The following TRIM49 variants were observed in gnomAD, a reference collection of about 807,000 sequenced individuals.
The protein encoded by TRIM49 is tripartite motif containing 49.
TRIM49 carries 5 observed loss-of-function variants against 27.4 expected under a neutral mutation model. The ratio of observed to expected loss-of-function variants is 0.18; its 90% CI spans 0.10 to 0.38. The LOEUF (loss-of-function observed/expected upper bound fraction) is 0.38, where lower values mean the gene tolerates loss of function less well. Among genes scored for constraint, TRIM49 ranks in the 10% least tolerant of loss-of-function variants. The pLI is 1.00. For missense variants in TRIM49, 188 were observed against 487.5 expected, an observed-to-expected ratio of 0.39 and a Z score of 5.79; for synonymous variants, 69 against 166.0, an observed-to-expected ratio of 0.42 and a Z score of 4.49.
At position 89,804,090 on chromosome 11, in the gene TRIM49, C is replaced by T. The variant is rs143084203; in HGVS notation, c.380G>A (p.Arg127His). ...TTCCTCAGCAGCCCACTCAATGGGACGGTGTCTGTGATACCGGTGCTCCTG... is the reference window on the plus strand; with the variant it reads ...TTCCTCAGCAGCCCACTCAATGGGATGGTGTCTGTGATACCGGTGCTCCTG... ...SSQEHRYHRH[R>H]PIEWAAEEHR... Residue 127 changes from arginine (R) to histidine (H), a missense_variant, in exon 3 of 8, where the codon CGT (arginine) becomes CAT (histidine). This residue lies in a region of TRIM49 where 21 missense variants were observed against 71.4 expected (regional missense o/e 0.29). Transcript: ENST00000329758. 12,709 of 1,607,604 alleles carry T rather than the reference C, an allele frequency of 7.9e-3. 108 individuals are homozygous for T. The highest frequency in any genetic ancestry group is 8.5e-3 in the Non-Finnish European group (10,055 of 1,177,796).
chr11:89,787,582 C>G, the TRIM49 span: 1 of 832,134 alleles, frequency 1.2e-6, no homozygotes, highest in Non-Finnish European at 1.8e-6. Flanking sequence ...GCCTCCTGCC[C>G]CTGCAGCGCC....
At position 89,798,354 on chromosome 11, in the gene TRIM49, G is replaced by A. The variant is rs1368239463; in HGVS notation, c.1135C>T (p.Leu379Phe). ...EKIDGKAGLF[L>F]LGCVKNDIQC... is the part of the protein sequence containing the mutation. ...ATGTCATTCTTAACACACCCAAGAAGAAAGAGTCCCGCCTTTCCATCTATC... is the reference window on the plus strand; with the variant it reads ...ATGTCATTCTTAACACACCCAAGAAAAAAGAGTCCCGCCTTTCCATCTATC... The change falls in exon 8 of 8, where the codon CTT (leucine) becomes TTT (phenylalanine). Residue 379 changes from leucine to phenylalanine, a missense_variant. Leu to Phe is a conservative substitution (Grantham distance 22). This residue lies in a region of TRIM49 where 94 missense variants were observed against 149.6 expected (regional missense o/e 0.63). Coordinates refer to ENST00000329758, the MANE Select transcript of TRIM49 (RefSeq NM_020358.2). 5 of 1,574,138 alleles carry A rather than the reference G, an allele frequency of 3.2e-6. No individual in the cohort carries two copies. Among genetic ancestry groups the A allele is most frequent in the Non-Finnish European group, 4.3e-6 (5 of 1,163,848 alleles).
At chr11:89,768,379 A>T in the TRIM49 span, 2 of 903,108 alleles carry the variant, frequency 2.2e-6, no homozygotes, top group Non-Finnish European at 3.3e-6. Context: ...ACCACTTCTG[A>T]TATTGTAATG....
chr11:89,786,165 G>T, the TRIM49 span: 2 of 93,612 alleles, frequency 2.1e-5, no homozygotes, highest in Admixed American at 2.0e-4. Flanking sequence ...AGGGCGTGGA[G>T]AGCGTACCGG....
In TRIM49 at chr11:89,798,564, T is replaced by G; in HGVS notation, c.925A>C (p.Met309Leu). The change falls in exon 8 of 8, where the codon ATG becomes CTG. Residue 309 changes from methionine (M) to leucine (L), a missense_variant. By Grantham distance (15) the Met-to-Leu change is conservative (BLOSUM62 2). Coordinates refer to ENST00000329758, the MANE Select transcript of TRIM49 (RefSeq NM_020358.2). ...TCTTGATGGTCACATCCAATACACA[T>G]GCTTCTCAAAATTTCATACAGAAAG... Reference protein sequence around the residue: ...DIFLYEILRSMCIGCDHQDVP... With the variant: ...DIFLYEILRSLCIGCDHQDVP... 2 of 1,558,742 alleles carry G rather than the reference T, an allele frequency of 1.3e-6. No homozygotes were observed. The highest frequency in any genetic ancestry group is 1.7e-6 in the Non-Finnish European group (2 of 1,160,632).
chr11:89,792,787 A>T, downstream of TRIM49, among the ~76,000 whole-genome samples: 1 of 152,128 alleles, frequency 6.6e-6, no homozygotes. Flanking sequence ...CCACAAGAGA[A>T]AGCAGGAAAG....
chr11:89,782,597 CT>C, the TRIM49 span, among the ~76,000 whole-genome samples: 1 of 138,542 alleles, frequency 7.2e-6, no homozygotes, highest in East Asian at 2.3e-4. Context: ...TCAATAATGG[CT>C]TTTTTTGTAC....
chr11:89,795,992 C>T (rs186182006), downstream of TRIM49, among the ~76,000 whole-genome samples: 1,337 of 151,852 alleles, frequency 8.8e-3, 30 homozygotes, highest in African/African-American at 0.031. Context: ...CCTAGATATC[C>T]GCAAATCCTC....
At chr11:89,774,088 C>T in the TRIM49 span, among the ~76,000 whole-genome samples, 128 of 148,428 alleles carry the variant, frequency 8.6e-4, 10 homozygotes, top group African/African-American at 3.2e-3. Context: ...GTAACCTCTG[C>T]CTCCCAGGTT....
At chr11:89,772,533 G>A in the TRIM49 span, among the ~76,000 whole-genome samples, 24 of 126,640 alleles carry the variant, frequency 1.9e-4, 1 homozygote, top group East Asian at 4.5e-3. Context: ...ATTCCATAGT[G>A]ATAGTGTATT....
the TRIM49 span, chr11:89,777,515 C>A: frequency 5.3e-6 from 7 of 1,319,736 alleles, 1 homozygote; most frequent in Admixed American, 1.9e-4. Flanking sequence ...AATCATAACA[C>A]ATGAATGTGT....
At chr11:89,793,230 G>A (rs1310697946), downstream of TRIM49, among the ~76,000 whole-genome samples, 2 of 152,098 alleles carry the variant, frequency 1.3e-5, no homozygotes, top group Admixed American at 1.3e-4. Flanking sequence ...CTGAAATTAA[G>A]GCAATAATTA....
At chr11:89,773,077 G>C in the TRIM49 span, among the ~76,000 whole-genome samples, 39 of 136,772 alleles carry the variant, frequency 2.9e-4, 12 homozygotes, top group African/African-American at 1.1e-3. Flanking sequence ...TGTAATCCCA[G>C]CTACTCGGGA....
At chr11:89,793,569 C>CATGAGACTAT (rs1565443822), downstream of TRIM49, among the ~76,000 whole-genome samples, 1 of 152,130 alleles carries the variant, frequency 6.6e-6, no homozygotes, top group Admixed American at 6.6e-5. Flanking sequence ...GGATCCAAGG[C>CATGAGACTAT]TGGTTCAACA....
chr11:89,796,321 C>G (rs1215311353), downstream of TRIM49, among the ~76,000 whole-genome samples: 21 of 150,004 alleles, frequency 1.4e-4, no homozygotes, highest in South Asian at 3.8e-3. Context: ...CAGCCTGGAC[C>G]TTCTGGGCAC....
the TRIM49 span, among the ~76,000 whole-genome samples, chr11:89,792,207 A>G: frequency 6.6e-6 from 1 of 151,926 alleles, no homozygotes; most frequent in Non-Finnish European, 1.5e-5. Flanking sequence ...TCTTAAATAT[A>G]TATGCACCCA....
rs766181875 is a variant in TRIM49, at chr11:89,800,024, C to CTT, written c.762-213_762-212dup. On this transcript the variant is annotated intron_variant, in intron 6 of 7. Coordinates refer to ENST00000329758, the MANE Select transcript of TRIM49 (RefSeq NM_020358.2). ...TAAGCCAGAATCCAATCTGATCCTT[C>CTT]TTTTTTTTTTTTTTGCTCCAAATGT... 5.6e-3 allele frequency among the ~76,000 whole-genome samples: 761 copies of CTT among 135,236 alleles called. 15 individuals carry two copies. The highest frequency in any genetic ancestry group is 0.019 in the Middle Eastern group (5 of 258). 88.7% of individuals were successfully genotyped at this position (135,236 alleles called of 152,430 possible). A position where few individuals can be genotyped will look rare whatever the true frequency, so the allele number is the denominator to read the frequency against.
chr11:89,776,881 G>A, the TRIM49 span: 1 of 1,325,316 alleles, frequency 7.5e-7, no homozygotes, highest in Non-Finnish European at 1.0e-6. Flanking sequence ...AGCTCAAGTA[G>A]ACAAAGAAAA....
At chr11:89,785,131 A>G in the TRIM49 span, among the ~76,000 whole-genome samples, 1 of 146,772 alleles carries the variant, frequency 6.8e-6, no homozygotes, top group African/African-American at 2.7e-5. Flanking sequence ...AGGCAGGATA[A>G]TCACTTGAAC....
Sources: allele counts gnomAD v4.1 joint callset (sites outside exome capture counted in the v4.1 genomes callset), GRCh38; gene constraint gnomAD v4.1.1; regional missense constraint gnomAD v4.1.1; transcripts MANE v1.5; gene names NCBI Gene and HGNC (gene_info 2026-07-23, HGNC 2026-07-21).